The following PLS3 variants were observed in gnomAD, a reference collection of about 807,000 sequenced individuals.
The protein encoded by PLS3 is plastin-3.
In PLS3, 11 loss-of-function variants were observed where a neutral mutation model predicts 46.5. That is an observed-to-expected ratio of 0.24 (90% CI 0.15 to 0.39). The LOEUF (loss-of-function observed/expected upper bound fraction) is 0.39. PLS3 is among the 10% of genes least tolerant of loss of function. PLS3 has a pLI of 1.00. For synonymous variants in PLS3, 167 were observed against 162.2 expected, an observed-to-expected ratio of 1.03 and a Z score of -0.22; for missense variants, 308 against 461.8, an observed-to-expected ratio of 0.67 and a Z score of 3.05.
At chrX:115,611,174 T>C (rs2074544795) in intron 2 of PLS3, among the ~76,000 whole-genome samples, 1 of 112,490 alleles carries the variant, frequency 8.9e-6, no homozygotes, top group Non-Finnish European at 1.9e-5. Flanking sequence ...AATGAGGAAA[T>C]ATACATTTCT....
At position 115,606,365 on chromosome X, in the gene PLS3, T is replaced by C. The variant is rs782207222; in HGVS notation, c.-8-3878T>C. On this transcript the variant is annotated intron_variant, in intron 1 of 15. Coordinates refer to ENST00000355899, the MANE Select transcript of PLS3 (RefSeq NM_005032.7). ...GTTGGCCAGGCTGGTCTCGAACTCC[T>C]GGGCTCAAGTGATCTGCCCGCTTTG... is the stretch of plus-strand genomic sequence containing the variant. 1.8e-4 allele frequency among the ~76,000 whole-genome samples: 20 copies of C among 108,773 alleles called. 1 individual carries two copies. In the South Asian group the frequency reaches 8.2e-3, roughly 44 times the overall value. The allele number at this position is 108,773 out of a possible 115,157, so 94.5% of individuals were successfully genotyped here.
intron 15 of PLS3, 93 bp from the exon 16 acceptor site, chrX:115,649,336 C>A (rs2074982245): frequency 4.1e-6 from 3 of 732,602 alleles, no homozygotes; most frequent in Admixed American, 6.6e-5. Flanking sequence ...TTTTGCATCC[C>A]AGCATAATAA....
At chrX:115,624,865 C>T (rs2074694977) in intron 3 of PLS3, among the ~76,000 whole-genome samples, 1 of 111,876 alleles carries the variant, frequency 8.9e-6, no homozygotes, top group Non-Finnish European at 1.9e-5. Flanking sequence ...CTACACTTTT[C>T]AAATGAAAAG....
chrX:115,629,972 G>A lies in PLS3; in HGVS notation c.500+5G>A. The A allele has an allele frequency of 8.7e-7, 1 of 1,150,491 alleles. No homozygotes were observed. Among genetic ancestry groups the A allele is most frequent in the Non-Finnish European group, 1.2e-6 (1 of 861,325 alleles). The allele number at this position is 1,150,491 out of a possible 1,213,427, so 94.8% of individuals were successfully genotyped here. The stretch of plus-strand genomic sequence containing the variant: ...TGGTGATGGAATTGTGCTTTGGTAA[G>A]ATGTTAGCTTGTTTTATATCCAGAT... On this transcript the variant is annotated splice_donor_5th_base_variant and intron_variant, in intron 5 of 15. Transcript: ENST00000355899.
intron 3 of PLS3, among the ~76,000 whole-genome samples, chrX:115,626,517 C>T (rs1429239206): frequency 9.0e-6 from 1 of 110,717 alleles, no homozygotes; most frequent in Admixed American, 9.7e-5. Flanking sequence ...CTCCCGACCT[C>T]AAACCATCCG....
chrX:115,567,991 C>T (rs2074188585), intron 1 of PLS3, among the ~76,000 whole-genome samples: 1 of 111,744 alleles, frequency 8.9e-6, no homozygotes, highest in African/African-American at 3.2e-5. Context: ...CATCGTGTTG[C>T]ACTCAGATTG....
intron 1 of PLS3, among the ~76,000 whole-genome samples, chrX:115,568,761 T>C (rs2074193467): frequency 8.9e-6 from 1 of 112,414 alleles, no homozygotes; most frequent in Admixed American, 9.5e-5. Context: ...AGGCTGGGCA[T>C]GGTGGCTCAG....
intron 2 of PLS3, among the ~76,000 whole-genome samples, chrX:115,611,600 T>C (rs1481188950): frequency 8.9e-6 from 1 of 111,973 alleles, no homozygotes; most frequent in Admixed American, 9.5e-5. Flanking sequence ...TATTTATGAA[T>C]AGAATTTCAG....
chrX:115,584,015 T>A (rs781931885), intron 1 of PLS3, among the ~76,000 whole-genome samples: 134 of 111,768 alleles, frequency 1.2e-3, no homozygotes, highest in Non-Finnish European at 2.1e-3. Flanking sequence ...TTACCAAATC[T>A]GAGCATGGAT....
intron 7 of PLS3, among the ~76,000 whole-genome samples, chrX:115,635,743 A>G (rs782293389): frequency 2.7e-5 from 3 of 109,368 alleles, no homozygotes; most frequent in South Asian, 4.1e-4. Context: ...TAATCCCAGC[A>G]CTTTGGGAGG....
intron 1 of PLS3, among the ~76,000 whole-genome samples, chrX:115,585,104 TG>T (rs1178124688): frequency 4.5e-5 from 5 of 111,559 alleles, no homozygotes; most frequent in Non-Finnish European, 7.5e-5. Context: ...TACTTGGTAA[TG>T]ACATAAAGAA....
rs1027512359 is a variant in PLS3, at chrX:115,618,751, C to T, written c.74-3495C>T. 2.7e-5 allele frequency among the ~76,000 whole-genome samples: 3 copies of T among 110,840 alleles called. No homozygotes were observed. The Admixed American group carries it at 2.9e-4, about 11-fold the overall frequency. The stretch of plus-strand genomic sequence containing the variant: ...TCTCTACTAAAAATACAGAAGTTGG[C>T]CAGGCATGGTGGCACTGTAATCCCA... On this transcript the variant is annotated intron_variant, in intron 2 of 15. Coordinates refer to ENST00000355899, the MANE Select transcript of PLS3 (RefSeq NM_005032.7).
chrX:115,582,262 G>C (rs1603221863), intron 1 of PLS3, among the ~76,000 whole-genome samples: 1 of 111,957 alleles, frequency 8.9e-6, no homozygotes, highest in Non-Finnish European at 1.9e-5. Flanking sequence ...GGTTACTCAT[G>C]CATAGGTGAC....
chrX:115,636,723 T>G (rs191970316), intron 7 of PLS3, 113 bp from the exon 8 acceptor site: 1 of 567,200 alleles, frequency 1.8e-6, no homozygotes, highest in East Asian at 3.3e-5. Context: ...AGGAACTATG[T>G]CATAGTAGTT....
At position 115,636,992 on chromosome X, in the gene PLS3, G is replaced by GA. The variant is rs1569528900; in HGVS notation, c.891+16dup. 8.4e-7 allele frequency: 1 copy of GA among 1,197,109 alleles called. No homozygotes were observed. The highest frequency in any genetic ancestry group is 1.8e-5 in the African/African-American group (1 of 56,673). On this transcript the variant is annotated intron_variant, in intron 8 of 15. Transcript: ENST00000355899. The stretch of plus-strand genomic sequence containing the variant: ...GCTGACATCAAGGTAACTGTTGAAA[G>GA]AATCACAACATTTTGGGGGGATATA...
chrX:115,579,821 A>T (rs782725831), intron 1 of PLS3, among the ~76,000 whole-genome samples: 2 of 110,994 alleles, frequency 1.8e-5, no homozygotes, highest in East Asian at 5.7e-4. Context: ...CAGCGTCAAC[A>T]TCCTGGGCTC....
intron 5 of PLS3, among the ~76,000 whole-genome samples, chrX:115,631,344 T>G: frequency 9.1e-6 from 1 of 109,955 alleles, no homozygotes; most frequent in Admixed American, 1.0e-4. Flanking sequence ...GTGCTGGGGT[T>G]ACAGATGTGA....
chrX:115,562,647 A>G (rs2074146933), intron 1 of PLS3: 2 of 111,481 alleles, frequency 1.8e-5, no homozygotes, highest in South Asian at 3.8e-4. Context: ...GGATGTCACA[A>G]TGGACTGGGG....
intron 1 of PLS3, among the ~76,000 whole-genome samples, chrX:115,592,012 T>TCTG: frequency 8.9e-6 from 1 of 112,166 alleles, no homozygotes; most frequent in African/African-American, 3.2e-5. Flanking sequence ...TAACCCAGTG[T>TCTG]CTGCTGATGG....
Sources: allele counts gnomAD v4.1 joint callset (sites outside exome capture counted in the v4.1 genomes callset), GRCh38; gene constraint gnomAD v4.1.1; transcripts MANE v1.5; gene names NCBI Gene and HGNC (gene_info 2026-07-23, HGNC 2026-07-21).